The following NICN1 variants were observed in gnomAD, a reference collection of about 807,000 sequenced individuals.
NICN1 encodes nicolin-1.
A neutral mutation model predicts 26.3 loss-of-function variants in NICN1; 18 were observed. The observed-to-expected ratio is 0.68, with a 90% CI of 0.47 to 1.01. NICN1 has a LOEUF of 1.01. Ranked by LOEUF, NICN1 falls within the 50% of genes least tolerant of loss-of-function variation. NICN1 has a pLI of 0.00. For synonymous variants in NICN1, 109 were observed against 111.0 expected, an observed-to-expected ratio of 0.98 and a Z score of 0.11; for missense variants, 239 against 278.3, an observed-to-expected ratio of 0.86 and a Z score of 1.00.
chr3:49,428,947 T>C (rs988664940), intron 1 of NICN1, among the ~76,000 whole-genome samples, 161 bp downstream of exon 1: 15 of 152,082 alleles, frequency 9.9e-5, no homozygotes, highest in African/African-American at 3.4e-4. Context: ...CTAGGAAAAA[T>C]GTGTTAACTG....
Position 49,422,792 on chromosome 3 carries a change from A to G in NICN1, c.*2041T>C, listed in dbSNP as rs917743551. Reference sequence around the variant, plus strand: ...GTTCTGGAAAGGGCTGAAAGGTCTGAATCATACCTTTAGGACCTCAAGAGA... The same window carrying G: ...GTTCTGGAAAGGGCTGAAAGGTCTGGATCATACCTTTAGGACCTCAAGAGA... On this transcript the variant is annotated 3_prime_UTR_variant, in exon 6 of 6. Transcript: ENST00000273598. The G allele has an allele frequency of 1.2e-5, 5 of 429,720 alleles. No individual in the cohort carries two copies. The highest frequency in any genetic ancestry group is 1.0e-4 in the African/African-American group (5 of 49,498). 26.6% of individuals were successfully genotyped at this position (429,720 alleles called of 1,614,324 possible).
chr3:49,422,682 C>T lies in NICN1; in HGVS notation c.*2151G>A. On this transcript the variant is annotated 3_prime_UTR_variant, in exon 6 of 6. Transcript: ENST00000273598. ...GGCTGACTCTTCAGGGCAGCTCGGG[C>T]AATCCAGAGCTGATTGGGCTGCCCA... 1.5e-6 allele frequency: 1 copy of T among 672,352 alleles called. No homozygotes were observed. The allele number at this position is 672,352 out of a possible 1,614,324, so 41.6% of individuals were successfully genotyped here. A position where few individuals can be genotyped will look rare whatever the true frequency, so the allele number is the denominator to read the frequency against.
intron 1 of NICN1, among the ~76,000 whole-genome samples, chr3:49,428,374 G>A (rs531040159): frequency 3.3e-5 from 5 of 152,172 alleles, no homozygotes; most frequent in South Asian, 2.1e-4. Context: ...TTGGCAACTC[G>A]AGTCATTGGG....
intron 1 of NICN1, 31 bp from the exon 2 acceptor site, chr3:49,426,459 C>G (rs764976823): frequency 1.3e-6 from 2 of 1,597,408 alleles, no homozygotes; most frequent in African/African-American, 1.3e-5. Context: ...TACAACAAGT[C>G]AGACCCAGGC....
At chr3:49,426,566 T>C in intron 1 of NICN1, 138 bp from the exon 2 acceptor site, 1 of 676,008 alleles carries the variant, frequency 1.5e-6, no homozygotes, top group South Asian at 2.0e-5. Context: ...CTTGCTCTTT[T>C]GCCCAGGCTG....
chr3:49,428,696 G>C (rs1246818658), intron 1 of NICN1, among the ~76,000 whole-genome samples: 10 of 150,880 alleles, frequency 6.6e-5, no homozygotes. Flanking sequence ...ACTCCAGCCT[G>C]GGCAACAAGA....
In NICN1 at chr3:49,424,511, G is replaced by A; in HGVS notation, c.*322C>T. 3.9e-6 allele frequency: 2 copies of A among 514,004 alleles called. No homozygotes were observed. Among genetic ancestry groups the A allele is most frequent in the South Asian group, 4.4e-5 (2 of 45,704 alleles). The allele number at this position is 514,004 out of a possible 1,614,324, so 31.8% of individuals were successfully genotyped here. A position where few individuals can be genotyped will look rare whatever the true frequency, so the allele number is the denominator to read the frequency against. On this transcript the variant is annotated 3_prime_UTR_variant, in exon 6 of 6. Transcript: ENST00000273598. The stretch of plus-strand genomic sequence containing the variant: ...CCAACTGCACTGACATGAGGGAGCA[G>A]GCAGAAGACAGGAATGTGCATGTTG...
rs764224916 is a variant in NICN1 at position 49,422,507 on chromosome 3, C to T, written c.*2326G>A. 126 of 1,556,010 alleles carry T rather than the reference C, an allele frequency of 8.1e-5. No homozygotes were observed. Among genetic ancestry groups the T allele is most frequent in the Non-Finnish European group, 1.0e-4 (118 of 1,136,098 alleles). On this transcript the variant is annotated 3_prime_UTR_variant, in exon 6 of 6. Transcript: ENST00000273598. Reference sequence around the variant, plus strand: ...GAGGCCACCACACTGCCAGGCACGCCGGGAGATGTAGTCCAGGCCTCTGCT... The same window carrying T: ...GAGGCCACCACACTGCCAGGCACGCTGGGAGATGTAGTCCAGGCCTCTGCT...
At chr3:49,427,971 G>A (rs552611578) in intron 1 of NICN1, among the ~76,000 whole-genome samples, 1 of 152,252 alleles carries the variant, frequency 6.6e-6, no homozygotes, top group Admixed American at 6.5e-5. Context: ...ACAGGGCTGG[G>A]CACGGTGGCT....
rs1053088222 is a variant in NICN1, at chr3:49,422,592, G to A, written c.*2241C>T. 3 of 911,278 alleles carry A rather than the reference G, an allele frequency of 3.3e-6. No homozygotes were observed. Among genetic ancestry groups the A allele is most frequent in the Non-Finnish European group, 5.3e-6 (3 of 569,144 alleles). 56.4% of individuals were successfully genotyped at this position (911,278 alleles called of 1,614,324 possible). A position where few individuals can be genotyped will look rare whatever the true frequency, so the allele number is the denominator to read the frequency against. On this transcript the variant is annotated 3_prime_UTR_variant, in exon 6 of 6. Transcript: ENST00000273598. ...GGGGGCGTGGGCAGCCCCAAGGGCA[G>A]GCTGGGATTTAGAGCAGAGAATGCA...
chr3:49,424,811 C>A lies in NICN1; in HGVS notation c.*22G>T, dbSNP rs369844327. 147 of 1,611,628 alleles carry A rather than the reference C, an allele frequency of 9.1e-5. No individual in the cohort carries two copies. Among genetic ancestry groups the A allele is most frequent in the Middle Eastern group, 8.3e-4 (5 of 6,046 alleles). On this transcript the variant is annotated 3_prime_UTR_variant, in exon 6 of 6. Coordinates refer to ENST00000273598, the MANE Select transcript of NICN1 (RefSeq NM_032316.3). ...GTCTGGGTGGGCACAGAAAGGCCAA[C>A]ATCTTGGCTAGGAGCAACCATTCAA...
intron 1 of NICN1, among the ~76,000 whole-genome samples, chr3:49,427,043 C>T (rs1039417322): frequency 6.6e-6 from 1 of 152,082 alleles, no homozygotes; most frequent in African/African-American, 2.4e-5. Context: ...AAAACGTGGC[C>T]GGGCACGGTG....
intron 1 of NICN1, 127 bp downstream of exon 1, chr3:49,428,981 A>T: frequency 2.4e-6 from 2 of 822,274 alleles, no homozygotes; most frequent in Non-Finnish European, 3.7e-6. Context: ...ATGAATGATT[A>T]ACTAATTTGC....
chr3:49,422,722 G>A lies in NICN1; in HGVS notation c.*2111C>T, dbSNP rs1323009953. ...TGGGCTGCCCAGAACAAAGCTAGGG[G>A]CTAGACCGCCCCCTGCAGAACCGCC... is the stretch of plus-strand genomic sequence containing the variant. On this transcript the variant is annotated 3_prime_UTR_variant, in exon 6 of 6. Transcript: ENST00000273598. 6.7e-6 allele frequency: 4 copies of A among 595,550 alleles called. No homozygotes were observed. Among genetic ancestry groups the A allele is most frequent in the South Asian group, 1.8e-5 (1 of 56,928 alleles). 36.9% of individuals were successfully genotyped at this position (595,550 alleles called of 1,614,324 possible).
rs367586899 is a variant in NICN1, at chr3:49,424,944, C to G, written c.600+5G>C. 1 of 1,613,856 alleles carries G rather than the reference C, an allele frequency of 6.2e-7. No homozygotes were observed. The highest frequency in any genetic ancestry group is 8.5e-7 in the Non-Finnish European group (1 of 1,179,896). On this transcript the variant is annotated splice_donor_5th_base_variant and intron_variant, in intron 5 of 5. Transcript: ENST00000273598. ...CAAGCCAAGCAGAAGGAAGCGATTA[C>G]TTACATCAAAGCGGCCGATCCTTGC...
In NICN1 at chr3:49,426,335, T is replaced by A. The variant is rs1466312762; in HGVS notation, c.226A>T (p.Thr76Ser). Residue 76 changes from threonine (T) to serine (S), a missense_variant, in exon 2 of 6, where the codon ACC (threonine) becomes TCC (serine). By Grantham distance (58) the Thr-to-Ser change is moderately conservative (BLOSUM62 1). Transcript: ENST00000273598. ...ATTAGGCAGTAGTCCCGCAGGCAGG[T>A]CACCCACTTGGCAGGTGTGTGTGCT... ...TSAHTPAKWVTCLRDYCLMPD... is the reference protein window; with the variant it reads ...TSAHTPAKWVSCLRDYCLMPD... 1 of 1,614,182 alleles carries A rather than the reference T, an allele frequency of 6.2e-7. No homozygotes were observed. The highest frequency in any genetic ancestry group is 1.7e-5 in the Admixed American group (1 of 60,010).
rs1456312095 is a variant in NICN1 at position 49,422,410 on chromosome 3, CGAA to C, written c.*2420_*2422del. The C allele has an allele frequency of 1.9e-6, 3 of 1,613,510 alleles. No homozygotes were observed. Among genetic ancestry groups the C allele is most frequent in the Non-Finnish European group, 2.5e-6 (3 of 1,180,022 alleles). On this transcript the variant is annotated 3_prime_UTR_variant, in exon 6 of 6. Transcript: ENST00000273598. ...CAAGGCCGGGGGGAATGCCTGCAGG[CGAA>C]AGCCCAGACGGGCCACCACACTTAC...
In NICN1 at chr3:49,429,213, A is replaced by G. The variant is rs766321646; in HGVS notation, c.27T>C (p.His9=). MSRVLVPC[H]VKGSVALQVG... ...CCTGGAGGGCTACGGAGCCTTTCACATGGCAAGGCACCAAAACGCGGGACA... is the reference window on the plus strand; with the variant it reads ...CCTGGAGGGCTACGGAGCCTTTCACGTGGCAAGGCACCAAAACGCGGGACA... The change falls in exon 1 of 6, where the codon CAT becomes CAC. Residue 9 remains histidine, a synonymous_variant. Transcript: ENST00000273598. 8 of 1,608,204 alleles carry G rather than the reference A, an allele frequency of 5.0e-6. No homozygotes were observed. The highest frequency in any genetic ancestry group is 4.0e-5 in the African/African-American group (3 of 74,482).
At chr3:49,428,299 C>T (rs1332454050) in intron 1 of NICN1, among the ~76,000 whole-genome samples, 4 of 151,870 alleles carry the variant, frequency 2.6e-5, no homozygotes, top group Admixed American at 2.6e-4. Context: ...GTGGGTTTTG[C>T]CCTCTTTGTT....
Sources: gnomAD v4.1 joint callset for allele counts (sites outside exome capture counted in the v4.1 genomes callset) on GRCh38, gnomAD v4.1.1 for gene constraint, MANE v1.5 for transcripts, NCBI Gene and HGNC (gene_info 2026-07-23, HGNC 2026-07-21) for gene names.